The following TANC2 variants were observed in gnomAD, a reference collection of about 807,000 sequenced individuals.
TANC2 encodes the protein protein TANC2.
TANC2 carries 26 observed loss-of-function variants against 210.5 expected under a neutral mutation model. The ratio of observed to expected loss-of-function variants is 0.12; its 90% CI spans 0.09 to 0.17. The LOEUF (loss-of-function observed/expected upper bound fraction) is 0.17. TANC2 is among the 10% of genes least tolerant of loss of function. The pLI is 1.00. For synonymous variants in TANC2, 931 were observed against 967.1 expected, an observed-to-expected ratio of 0.96 and a Z score of 0.69; for missense variants, 2,129 against 2,608.9, an observed-to-expected ratio of 0.82 and a Z score of 4.01.
intron 2 of TANC2, among the ~76,000 whole-genome samples, chr17:63,055,979 AAAAAAAAAAAAATATATATAT>A (rs1214228384): frequency 9.5e-5 from 4 of 42,114 alleles, no homozygotes; most frequent in African/African-American, 3.4e-4. Flanking sequence ...AAAAAAAAAA[AAAAAAAAAAAAATATATATAT>A]ATATATATAT....
At chr17:63,071,029 T>A (rs1185782142) in intron 2 of TANC2, among the ~76,000 whole-genome samples, 2 of 152,200 alleles carry the variant, frequency 1.3e-5, no homozygotes, top group African/African-American at 2.4e-5. Flanking sequence ...AATTCATATA[T>A]CAGTGTCATG....
At chr17:63,120,835 A>C (rs1005769636) in intron 4 of TANC2, 5 of 151,054 alleles carry the variant, frequency 3.3e-5, no homozygotes, top group East Asian at 1.9e-4. Flanking sequence ...AAAAAAAAAA[A>C]AAAAAACTAT....
At chr17:63,193,201 T>C (rs1249438946) in intron 5 of TANC2, among the ~76,000 whole-genome samples, 1 of 152,194 alleles carries the variant, frequency 6.6e-6, no homozygotes, top group Non-Finnish European at 1.5e-5. Flanking sequence ...TTATTTCTGT[T>C]CTGTGGCAAA....
At chr17:63,086,767 C>T (rs112308341) in intron 3 of TANC2, among the ~76,000 whole-genome samples, 1 of 151,962 alleles carries the variant, frequency 6.6e-6, no homozygotes, top group Non-Finnish European at 1.5e-5. Flanking sequence ...TAAAACACAC[C>T]CATTAGTGCT....
intron 2 of TANC2, among the ~76,000 whole-genome samples, chr17:63,047,368 A>G (rs867050639): frequency 1.3e-5 from 2 of 152,184 alleles, no homozygotes; most frequent in South Asian, 2.1e-4. Context: ...TTTCTAAATG[A>G]TTACTCAGTT....
chr17:63,424,994 G>A (rs1005917698), exon 28 of TANC2: 1 of 152,144 alleles, frequency 6.6e-6, no homozygotes, highest in Non-Finnish European at 1.5e-5. Context: ...TTATCTACTG[G>A]ATCAGTAAGG....
At chr17:63,359,417 C>T (rs771443818) in intron 14 of TANC2, among the ~76,000 whole-genome samples, 2 of 151,194 alleles carry the variant, frequency 1.3e-5, no homozygotes, top group African/African-American at 4.9e-5. Flanking sequence ...GATTTCACAT[C>T]ACTGCAACCT....
intron 7 of TANC2, among the ~76,000 whole-genome samples, chr17:63,229,218 G>A (rs2042406412): frequency 6.6e-6 from 1 of 152,184 alleles, no homozygotes; most frequent in South Asian, 2.1e-4. Context: ...CTCTTTGTGT[G>A]ATGAATTACG....
intron 7 of TANC2, among the ~76,000 whole-genome samples, chr17:63,236,107 A>G (rs1031646487): frequency 1.3e-5 from 2 of 151,980 alleles, no homozygotes; most frequent in Non-Finnish European, 2.9e-5. Context: ...ATTCTTTGTT[A>G]CATATTAGAA....
chr17:63,298,731 C>A (rs1286879839), intron 9 of TANC2, among the ~76,000 whole-genome samples: 1 of 152,116 alleles, frequency 6.6e-6, no homozygotes, highest in African/African-American at 2.4e-5. Flanking sequence ...TAAAAACCTA[C>A]AATCATGAGA....
chr17:63,072,118 CTT>C (rs1167734821), intron 2 of TANC2, among the ~76,000 whole-genome samples: 1 of 152,040 alleles, frequency 6.6e-6, no homozygotes, highest in East Asian at 1.9e-4. Context: ...GAAGAGAAAA[CTT>C]TAGGATTTTT....
intron 14 of TANC2, among the ~76,000 whole-genome samples, chr17:63,357,073 T>C (rs900345229): frequency 2.0e-5 from 3 of 152,196 alleles, no homozygotes; most frequent in Admixed American, 6.5e-5. Flanking sequence ...CCCAAAAGGA[T>C]TTTACTATAA....
At chr17:63,376,722 A>C (rs2047434852) in intron 14 of TANC2, among the ~76,000 whole-genome samples, 4 of 152,212 alleles carry the variant, frequency 2.6e-5, no homozygotes, top group Non-Finnish European at 5.9e-5. Context: ...TGTCTCAGAC[A>C]AGTGTAGCTT....
At chr17:63,003,984 C>T (rs1239731524) in intron 1 of TANC2, among the ~76,000 whole-genome samples, 2 of 152,008 alleles carry the variant, frequency 1.3e-5, no homozygotes, top group Non-Finnish European at 2.9e-5. Context: ...GGCAGACAAT[C>T]ATTAACAGTG....
At chr17:63,379,098 A>G (rs1186380615) in intron 14 of TANC2, among the ~76,000 whole-genome samples, 1 of 152,222 alleles carries the variant, frequency 6.6e-6, no homozygotes, top group African/African-American at 2.4e-5. Flanking sequence ...GAACACTGAC[A>G]TTTAAGCATG....
At chr17:63,384,667 A>G (rs2047720809) in intron 15 of TANC2, among the ~76,000 whole-genome samples, 1 of 152,204 alleles carries the variant, frequency 6.6e-6, no homozygotes, top group South Asian at 2.1e-4. Flanking sequence ...ACAGAAAGGT[A>G]ACTGTTACAG....
intron 4 of TANC2, among the ~76,000 whole-genome samples, chr17:63,107,635 T>A (rs1234596011): frequency 1.3e-5 from 2 of 151,762 alleles, no homozygotes; most frequent in African/African-American, 4.9e-5. Context: ...TTCGTATTAT[T>A]TGGCATTAAA....
Position 63,074,207 on chromosome 17 carries a change from T to C in TANC2, c.139+193T>C, listed in dbSNP as rs188094569. Among the ~76,000 whole-genome samples the C allele has an allele frequency of 1.3e-3, 194 of 152,266 alleles. 2 individuals carry two copies. Among genetic ancestry groups the C allele is most frequent in the Middle Eastern group, 6.8e-3 (2 of 294 alleles). On this transcript the variant is annotated intron_variant, in intron 3 of 27. Coordinates refer to ENST00000689528, the Ensembl canonical transcript of TANC2. The stretch of plus-strand genomic sequence containing the variant: ...AGATATATGAAAATTAAATATTGTC[T>C]TGTGCCTGTTTTTTTAAATGATATT...
At chr17:63,332,209 G>C in intron 11 of TANC2, 1 of 363,622 alleles carries the variant, frequency 2.8e-6, no homozygotes, top group South Asian at 2.3e-5. Flanking sequence ...CTTTGCTCTG[G>C]GAATTTTGGC....
Sources: gnomAD v4.1 joint callset for allele counts (sites outside exome capture counted in the v4.1 genomes callset) on GRCh38, gnomAD v4.1.1 for gene constraint, MANE v1.5 for transcripts, NCBI Gene and HGNC (gene_info 2026-07-23, HGNC 2026-07-21) for gene names.